Variants in NEBL observed in about 807,000 individuals in gnomAD.
NEBL encodes the protein nebulette, also known as LIM and SH3 protein 2.
In NEBL, 122 loss-of-function variants were observed where a neutral mutation model predicts 140.2. The ratio of observed to expected loss-of-function variants is 0.87; its 90% CI spans 0.75 to 1.01. NEBL has a LOEUF of 1.01. Among genes scored for constraint, NEBL ranks in the 50% least tolerant of loss-of-function variants. NEBL has a pLI of 0.00. For missense variants in NEBL, 1,365 were observed against 1,231.3 expected (o/e 1.11, Z -1.62); for synonymous variants, 436 against 398.9 (o/e 1.09, Z -1.11).
chr10:20,831,333 G>T (rs779291374), intron 15 of NEBL, 27 bp from the exon 16 acceptor site: 1 of 1,573,678 alleles, frequency 6.4e-7, no homozygotes, highest in South Asian at 1.1e-5. Flanking sequence ...TAATCTTAGA[G>T]CTTTGCTTAA....
chr10:21,186,139 A>C (rs903828762), intron 3 of NEBL, among the ~76,000 whole-genome samples: 7 of 152,172 alleles, frequency 4.6e-5, no homozygotes, highest in Non-Finnish European at 7.3e-5. Flanking sequence ...ATACTAAGGC[A>C]CACTTAAAAC....
At chr10:20,988,495 G>C (rs1311217627) in intron 3 of NEBL, among the ~76,000 whole-genome samples, 1 of 152,078 alleles carries the variant, frequency 6.6e-6, no homozygotes, top group Admixed American at 6.6e-5. Context: ...CTGGCTCCTA[G>C]CTAAAGCCAA....
chr10:21,161,262 C>A (rs763041793), intron 2 of NEBL, among the ~76,000 whole-genome samples: 11 of 151,960 alleles, frequency 7.2e-5, no homozygotes, highest in Non-Finnish European at 1.5e-4. Flanking sequence ...GAACTCCTGA[C>A]CTCAAGTGAT....
chr10:20,938,184 C>T (rs537935527), intron 4 of NEBL, among the ~76,000 whole-genome samples: 2 of 152,312 alleles, frequency 1.3e-5, no homozygotes, highest in African/African-American at 2.4e-5. Context: ...CTGGGAGGCA[C>T]CCCCCAGTAG....
At chr10:20,928,037 C>T (rs1006691525) in intron 4 of NEBL, among the ~76,000 whole-genome samples, 1 of 152,134 alleles carries the variant, frequency 6.6e-6, no homozygotes, top group Non-Finnish European at 1.5e-5. Flanking sequence ...TCAGCAGATC[C>T]AAATTGTCAT....
In NEBL at chr10:21,199,217, T is replaced by TG. The variant is rs796862842; in HGVS notation, n.349-26741dup. Among the ~76,000 whole-genome samples, 222 of 151,202 alleles carry TG rather than the reference T, an allele frequency of 1.5e-3. 1 individual carries two copies. The highest frequency in any genetic ancestry group is 4.7e-3 in the African/African-American group (192 of 41,256). On this transcript the variant is annotated intron_variant and non_coding_transcript_variant, in intron 3 of 8. Transcript: ENST00000675702. ...ATTTTAATTTTTGTGTTTTTAGAGA[T>TG]GGGGGGGGTCTCACTATGTTGCTAA...
At chr10:21,251,910 C>A (rs1170237464) in intron 1 of NEBL, among the ~76,000 whole-genome samples, 1 of 152,096 alleles carries the variant, frequency 6.6e-6, no homozygotes, top group East Asian at 1.9e-4. Context: ...CTAAAACAGA[C>A]CTCAAAATGG....
chr10:21,036,720 G>C (rs1294050980), intron 2 of NEBL, among the ~76,000 whole-genome samples: 3 of 151,966 alleles, frequency 2.0e-5, no homozygotes, highest in African/African-American at 7.2e-5. Context: ...TCCAGCAGAA[G>C]AGGCATCTAC....
At chr10:21,219,625 T>G (rs1028802711) in intron 3 of NEBL, among the ~76,000 whole-genome samples, 5 of 152,238 alleles carry the variant, frequency 3.3e-5, no homozygotes, top group Non-Finnish European at 7.3e-5. Flanking sequence ...TTTTTTCTAA[T>G]GCTATCAGAA....
At position 21,130,228 on chromosome 10, in the gene NEBL, A is replaced by G. The variant is rs556174484; in HGVS notation, c.164+42155T>C. Among the ~76,000 whole-genome samples the G allele has an allele frequency of 3.2e-4, 49 of 152,196 alleles. 2 individuals carry two copies. Among genetic ancestry groups the G allele is most frequent in the South Asian group, 4.1e-4 (2 of 4,834 alleles). On this transcript the variant is annotated intron_variant, in intron 2 of 6. Transcript: ENST00000417816. ...ACAGTCTTTAACATGTATGCACCTAATGACAGAGCATCAAATTACACAAAG... is the reference window on the plus strand; with the variant it reads ...ACAGTCTTTAACATGTATGCACCTAGTGACAGAGCATCAAATTACACAAAG...
chr10:20,861,181 T>C (rs1843660893), intron 7 of NEBL, among the ~76,000 whole-genome samples: 2 of 152,066 alleles, frequency 1.3e-5, no homozygotes, highest in South Asian at 4.2e-4. Context: ...TGCCTGGTCG[T>C]CCCTTAAATA....
chr10:21,190,084 G>T (rs915547580), intron 3 of NEBL, among the ~76,000 whole-genome samples: 1 of 152,156 alleles, frequency 6.6e-6, no homozygotes, highest in Non-Finnish European at 1.5e-5. Context: ...TTCTTCAAGT[G>T]CTAGGATATC....
intron 3 of NEBL, among the ~76,000 whole-genome samples, chr10:21,013,282 C>T (rs371098712): frequency 2.0e-5 from 3 of 152,262 alleles, no homozygotes; most frequent in African/African-American, 4.8e-5. Context: ...TTATCATTTA[C>T]GTTGCCTCAA....
At chr10:21,230,857 G>C (rs1054375431) in intron 3 of NEBL, among the ~76,000 whole-genome samples, 1 of 151,900 alleles carries the variant, frequency 6.6e-6, no homozygotes, top group Non-Finnish European at 1.5e-5. Flanking sequence ...CACTGTCCTC[G>C]GCCTCCCAAA....
intron 1 of NEBL, chr10:21,172,495 A>AC (rs201711832): frequency 1.3e-5 from 20 of 1,564,746 alleles, no homozygotes; most frequent in Middle Eastern, 1.7e-4. Context: ...AAAAAAAAAA[A>AC]CATTTAAAAA....
Position 20,869,807 on chromosome 10 carries a change from G to A in NEBL, c.515C>T (p.Thr172Met), listed in dbSNP as rs548438161. ...SYRKDVQDTHTYSAELDRPDI... is the reference protein window; with the variant it reads ...SYRKDVQDTHMYSAELDRPDI... ...TGGTCGGTCAAGTTCTGCACTGTAC[G>A]TGTGGGTGTCCTGCACGTCTTTCCT... The change falls in exon 6 of 28, where the codon ACG becomes ATG. Residue 172 changes from threonine (T) to methionine (M), a missense_variant. Thr to Met is a moderately conservative substitution (Grantham distance 81). This residue lies in a region of NEBL where 1,323 missense variants were observed against 1,154.8 expected (regional missense o/e 1.15). Coordinates refer to ENST00000377122, the MANE Select transcript of NEBL (RefSeq NM_006393.3). The A allele has an allele frequency of 2.9e-5, 47 of 1,613,114 alleles. No homozygotes were observed. The Middle Eastern group carries it at 6.6e-4, about 23-fold the overall frequency.
intron 3 of NEBL, among the ~76,000 whole-genome samples, chr10:20,970,806 GTCTC>G (rs1836537354): frequency 6.6e-6 from 1 of 152,186 alleles, no homozygotes; most frequent in African/African-American, 2.4e-5. Context: ...GAAGGCGGAA[GTCTC>G]TCTGACATCC....
intron 3 of NEBL, among the ~76,000 whole-genome samples, chr10:21,207,180 G>T (rs1350129520): frequency 1.3e-5 from 2 of 151,828 alleles, no homozygotes; most frequent in African/African-American, 4.8e-5. Flanking sequence ...CACCATGTTG[G>T]CCATGCTGGT....
chr10:20,961,045 C>G (rs1281303640), intron 4 of NEBL, among the ~76,000 whole-genome samples: 2 of 152,208 alleles, frequency 1.3e-5, no homozygotes, highest in African/African-American at 4.8e-5. Context: ...TTGGAAGAAA[C>G]ATAATCACAG....
Sources: allele counts gnomAD v4.1 joint callset (sites outside exome capture counted in the v4.1 genomes callset), GRCh38; gene constraint gnomAD v4.1.1; regional missense constraint gnomAD v4.1.1; transcripts MANE v1.5; gene names NCBI Gene and HGNC (gene_info 2026-07-23, HGNC 2026-07-21).